CAMK4: variants seen among roughly 807,000 people sequenced by gnomAD.
CAMK4 encodes the protein calcium/calmodulin-dependent protein kinase type IV.
CAMK4 carries 22 observed loss-of-function variants against 44.9 expected under a neutral mutation model. The ratio of observed to expected loss-of-function variants is 0.49; its 90% CI spans 0.35 to 0.70. CAMK4 has a LOEUF of 0.70. Among genes scored for constraint, CAMK4 ranks in the 30% least tolerant of loss-of-function variants. The pLI, the probability that CAMK4 is intolerant of heterozygous loss-of-function variation, is 0.01. For synonymous variants in CAMK4, 218 were observed against 215.4 expected (o/e 1.01, Z -0.11); for missense variants, 498 against 586.8 (o/e 0.85, Z 1.56).
intron 2 of CAMK4, among the ~76,000 whole-genome samples, chr5:111,364,101 A>G (rs564260857): frequency 6.6e-6 from 1 of 152,062 alleles, no homozygotes; most frequent in Admixed American, 6.6e-5. Flanking sequence ...GAAAGAGTGC[A>G]GAGGCAACAA....
chr5:111,321,009 C>T (rs967077077), intron 1 of CAMK4, among the ~76,000 whole-genome samples: 1 of 152,114 alleles, frequency 6.6e-6, no homozygotes, highest in Admixed American at 6.6e-5. Context: ...TTATGGACTC[C>T]TAACCACTAG....
rs547124829 is a variant in CAMK4, at chr5:111,290,688, A to G, written c.162-53336A>G. 6.6e-6 allele frequency among the ~76,000 whole-genome samples: 1 copy of G among 152,242 alleles called. No individual in the cohort carries two copies. The highest frequency in any genetic ancestry group is 2.1e-4 in the South Asian group (1 of 4,830). On this transcript the variant is annotated intron_variant, in intron 1 of 10. Transcript: ENST00000282356. The surrounding 1 kb of genome is among the most constrained non-coding windows in gnomAD (Gnocchi z 4.5). ...TGGTGTTTCCACATTTGTGAGTTGC[A>G]TATGTGCGGGTGCCATGGGGTCGAG...
At chr5:111,437,159 A>G (rs1753674769) in intron 5 of CAMK4, among the ~76,000 whole-genome samples, 1 of 152,250 alleles carries the variant, frequency 6.6e-6, no homozygotes, top group Admixed American at 6.5e-5. Context: ...ATGTTTAATA[A>G]GTGCAAAGAT....
rs147523489 is a variant in CAMK4, at chr5:111,345,327, A to G, written c.240+1225A>G. On this transcript the variant is annotated intron_variant, in intron 2 of 10. Coordinates refer to ENST00000282356, the MANE Select transcript of CAMK4 (RefSeq NM_001744.6). ...CTGAATTTTCTGTTTGGTGTAGGCA[A>G]TGATTTAACTTATTCCAGAATGTAG... Among the ~76,000 whole-genome samples, 275 of 152,030 alleles carry G rather than the reference A, an allele frequency of 1.8e-3. 1 individual carries two copies. Among genetic ancestry groups the G allele is most frequent in the African/African-American group, 6.4e-3 (266 of 41,532 alleles).
At chr5:111,440,894 A>C (rs1281914190) in intron 5 of CAMK4, among the ~76,000 whole-genome samples, 1 of 152,232 alleles carries the variant, frequency 6.6e-6, no homozygotes, top group Non-Finnish European at 1.5e-5. Flanking sequence ...GTGAAATAGC[A>C]AGGATAGAGT....
At chr5:111,398,321 A>G (rs995376992) in intron 5 of CAMK4, among the ~76,000 whole-genome samples, 5 of 152,094 alleles carry the variant, frequency 3.3e-5, no homozygotes, top group Non-Finnish European at 7.4e-5. Context: ...TCAGCTGTGG[A>G]TGGGGTGTGA....
In CAMK4 at chr5:111,491,954, G is replaced by A. The variant is rs1257732461; in HGVS notation, c.*7488G>A. 2 of 152,120 alleles carry A rather than the reference G, an allele frequency of 1.3e-5. No individual in the cohort carries two copies. Among genetic ancestry groups the A allele is most frequent in the Non-Finnish European group, 2.9e-5 (2 of 68,008 alleles). 9.4% of individuals were successfully genotyped at this position (152,120 alleles called of 1,614,324 possible). A position where few individuals can be genotyped will look rare whatever the true frequency, so the allele number is the denominator to read the frequency against. On this transcript the variant is annotated 3_prime_UTR_variant, in exon 11 of 11. Coordinates refer to ENST00000282356, the MANE Select transcript of CAMK4 (RefSeq NM_001744.6). The stretch of plus-strand genomic sequence containing the variant: ...ATACGCAAACAGCCAGCTCTTTTAT[G>A]TAAGAAAGCCATTTTCTAATCCCCA...
chr5:111,338,708 T>C (rs909756705), intron 1 of CAMK4, among the ~76,000 whole-genome samples: 2 of 151,460 alleles, frequency 1.3e-5, no homozygotes, highest in Admixed American at 1.3e-4. Flanking sequence ...CACCATTTAT[T>C]GAATAGGGAG....
Position 111,446,784 on chromosome 5 carries a change from C to A in CAMK4, c.550+8C>A. Reference sequence around the variant, plus strand: ...ATGCACCACTCAAAATCGGTGAGAACATTTCTTCTTGTTTTGTGACCCCTT... The same window carrying A: ...ATGCACCACTCAAAATCGGTGAGAAAATTTCTTCTTGTTTTGTGACCCCTT... On this transcript the variant is annotated splice_region_variant and intron_variant, in intron 6 of 10. Coordinates refer to ENST00000282356, the MANE Select transcript of CAMK4 (RefSeq NM_001744.6). 2 of 1,567,012 alleles carry A rather than the reference C, an allele frequency of 1.3e-6. No homozygotes were observed. The highest frequency in any genetic ancestry group is 8.8e-7 in the Non-Finnish European group (1 of 1,137,380).
chr5:111,431,970 A>T (rs1232059600), intron 5 of CAMK4, among the ~76,000 whole-genome samples: 4 of 152,136 alleles, frequency 2.6e-5, no homozygotes, highest in African/African-American at 9.7e-5. Flanking sequence ...CTAAAAATTG[A>T]GCTACCATAC....
chr5:111,367,251 A>G (rs768247376), intron 2 of CAMK4, among the ~76,000 whole-genome samples: 1 of 151,412 alleles, frequency 6.6e-6, no homozygotes, highest in Non-Finnish European at 1.5e-5. Context: ...TGCTTGTGTC[A>G]CAGAGAGAAA....
intron 7 of CAMK4, among the ~76,000 whole-genome samples, chr5:111,457,082 T>C (rs1323423462): frequency 6.6e-6 from 1 of 152,222 alleles, no homozygotes; most frequent in Non-Finnish European, 1.5e-5. Flanking sequence ...CACTGTGCTC[T>C]GACAGCCTTT....
At chr5:111,404,906 T>C (rs1398041218) in intron 5 of CAMK4, among the ~76,000 whole-genome samples, 1 of 147,206 alleles carries the variant, frequency 6.8e-6, no homozygotes. Context: ...TTTGGGGGTT[T>C]TGTTAATGTT....
chr5:111,443,546 T>C (rs1753922821), intron 5 of CAMK4, among the ~76,000 whole-genome samples: 1 of 151,790 alleles, frequency 6.6e-6, no homozygotes, highest in Non-Finnish European at 1.5e-5. Context: ...TTCTCTAAAC[T>C]TTCCTTCCTT....
At chr5:111,279,769 A>C (rs952921465) in intron 1 of CAMK4, among the ~76,000 whole-genome samples, 1 of 152,076 alleles carries the variant, frequency 6.6e-6, no homozygotes, top group Non-Finnish European at 1.5e-5. Context: ...ATTTACCCAT[A>C]GTTTTTGAGT....
intron 1 of CAMK4, among the ~76,000 whole-genome samples, chr5:111,252,295 A>G (rs1259557587): frequency 6.6e-6 from 1 of 152,146 alleles, no homozygotes; most frequent in Non-Finnish European, 1.5e-5. Context: ...CCGTGCCTAG[A>G]GATACAGGGC....
chr5:111,328,241 T>C (rs1464167484), intron 1 of CAMK4, among the ~76,000 whole-genome samples: 2 of 151,218 alleles, frequency 1.3e-5, no homozygotes, highest in African/African-American at 4.9e-5. Flanking sequence ...CTAGCCAGTT[T>C]TGCCAGCACC....
At chr5:111,411,894 G>A (rs1026288207) in intron 5 of CAMK4, among the ~76,000 whole-genome samples, 2 of 152,210 alleles carry the variant, frequency 1.3e-5, no homozygotes, top group South Asian at 4.1e-4. Flanking sequence ...GACATTAAAA[G>A]GGTATGGAAG....
At chr5:111,419,315 T>G (rs1450832212) in intron 5 of CAMK4, among the ~76,000 whole-genome samples, 4 of 152,222 alleles carry the variant, frequency 2.6e-5, no homozygotes, top group Non-Finnish European at 5.9e-5. Context: ...GTAAATTTGT[T>G]TGAGTTCATT....
Sources: allele counts gnomAD v4.1 joint callset (sites outside exome capture counted in the v4.1 genomes callset), GRCh38; gene constraint gnomAD v4.1.1; non-coding constraint Gnocchi (gnomAD v3.1); transcripts MANE v1.5; gene names NCBI Gene and HGNC (gene_info 2026-07-23, HGNC 2026-07-21).